The following NME7 variants were observed in gnomAD, a reference collection of about 807,000 sequenced individuals.
The protein encoded by NME7 is nucleoside diphosphate kinase 7.
Under a neutral mutation model 49.1 loss-of-function variants are expected in NME7, and 41 were observed. That is an observed-to-expected ratio of 0.83 (90% confidence interval 0.65 to 1.08). NME7 has a LOEUF of 1.08. Ranked by LOEUF, NME7 falls within the 50% of genes least tolerant of loss-of-function variation. The probability of loss-of-function intolerance (pLI) is 0.00; values close to 1 mark genes in which losing one functional copy is unlikely to be tolerated. For synonymous variants in NME7, 139 were observed against 150.6 expected (o/e 0.92, Z 0.56); for missense variants, 423 against 463.4 (o/e 0.91, Z 0.80).
At chr1:169,324,636 T>C in intron 1 of NME7, 136 bp from the exon 2 acceptor site, 1 of 594,622 alleles carries the variant, frequency 1.7e-6, no homozygotes, top group Non-Finnish European at 3.0e-6. Context: ...TTTCTGCTTT[T>C]CAACAAAGTA....
chr1:169,325,957 TTTCACTGTGCA>T (rs1471211721), intron 1 of NME7, among the ~76,000 whole-genome samples: 1 of 152,042 alleles, frequency 6.6e-6, no homozygotes, highest in Non-Finnish European at 1.5e-5. Context: ...TGAGTTTAGG[TTTCACTGTGCA>T]TTCTAGTATT....
chr1:169,240,017 C>T (rs1238571606), intron 7 of NME7, among the ~76,000 whole-genome samples: 1 of 151,900 alleles, frequency 6.6e-6, no homozygotes, highest in East Asian at 1.9e-4. Context: ...TTAGATAGTA[C>T]TGAAGACCTT....
At chr1:169,196,271 C>A (rs928233973) in intron 10 of NME7, among the ~76,000 whole-genome samples, 2 of 152,138 alleles carry the variant, frequency 1.3e-5, no homozygotes, top group Non-Finnish European at 2.9e-5. Context: ...TTGTTTAAAG[C>A]GCAACCATTT....
Position 169,276,366 on chromosome 1 carries a change from C to T in NME7, c.754+10937G>A, listed in dbSNP as rs533607525. On this transcript the variant is annotated intron_variant, in intron 7 of 11. Transcript: ENST00000367811. The stretch of plus-strand genomic sequence containing the variant: ...ATTGATTATTGCTACAATTTCTGAG[C>T]CTGTTATTGGTGTATTCAGAGATTC... Among the ~76,000 whole-genome samples, 31 of 132,970 alleles carry T rather than the reference C, an allele frequency of 2.3e-4. 8 individuals are homozygous for T. The highest frequency in any genetic ancestry group is 4.8e-4 in the Non-Finnish European group (27 of 56,732). 87.2% of individuals were successfully genotyped at this position (132,970 alleles called of 152,430 possible). A position where few individuals can be genotyped will look rare whatever the true frequency, so the allele number is the denominator to read the frequency against.
chr1:169,194,888 T>C (rs1189790579), intron 10 of NME7, among the ~76,000 whole-genome samples: 2 of 152,174 alleles, frequency 1.3e-5, no homozygotes, highest in African/African-American at 2.4e-5. Context: ...CATGATTGGT[T>C]ACTGAAGTTA....
chr1:169,323,010 C>A, intron 3 of NME7, 107 bp downstream of exon 3: 1 of 821,124 alleles, frequency 1.2e-6, no homozygotes. Flanking sequence ...CAACCATTTT[C>A]CAGGTCCTAT....
intron 10 of NME7, among the ~76,000 whole-genome samples, chr1:169,174,032 C>T (rs1330329044): frequency 6.6e-6 from 1 of 152,114 alleles, no homozygotes; most frequent in Non-Finnish European, 1.5e-5. Flanking sequence ...CCCCTAAAAC[C>T]TTGCATGCTG....
chr1:169,167,644 A>G (rs1659455821), intron 11 of NME7, among the ~76,000 whole-genome samples: 1 of 152,150 alleles, frequency 6.6e-6, no homozygotes, highest in Admixed American at 6.5e-5. Flanking sequence ...TTCATATTTT[A>G]TGTTAATTTA....
At chr1:169,363,535 C>T (rs1014969533) in intron 1 of NME7, among the ~76,000 whole-genome samples, 53 of 152,164 alleles carry the variant, frequency 3.5e-4, no homozygotes, top group African/African-American at 1.2e-3. Flanking sequence ...CACTGCTGTA[C>T]GTATACGTGT....
chr1:169,259,633 G>A lies in NME7; in HGVS notation c.755-21946C>T, dbSNP rs1045815948. Among the ~76,000 whole-genome samples the A allele has an allele frequency of 4.5e-5, 6 of 133,330 alleles. 2 individuals are homozygous for A. The highest frequency in any genetic ancestry group is 8.8e-5 in the Non-Finnish European group (5 of 56,654). 87.5% of individuals were successfully genotyped at this position (133,330 alleles called of 152,430 possible). A position where few individuals can be genotyped will look rare whatever the true frequency, so the allele number is the denominator to read the frequency against. On this transcript the variant is annotated intron_variant, in intron 7 of 11. Transcript: ENST00000367811. ...CCCACCTCTGTATCAAATAATTTGA[G>A]GTGCATGTTTTGAATCACATTAACA...
rs1318279868 is a variant in NME7, at chr1:169,273,828, A to G, written c.754+13475T>C. ...ATGGCTGCATAGTATTCCATGGTGT[A>G]TATGTGCCACATTTTCTTAATCCAG... On this transcript the variant is annotated intron_variant, in intron 7 of 11. Transcript: ENST00000367811. Among the ~76,000 whole-genome samples the G allele has an allele frequency of 2.4e-5, 3 of 124,584 alleles. 1 individual carries two copies. In the Admixed American group the frequency reaches 2.4e-4, roughly 10 times the overall value. 81.7% of individuals were successfully genotyped at this position (124,584 alleles called of 152,430 possible).
At chr1:169,328,770 T>C (rs1448063734) in intron 1 of NME7, among the ~76,000 whole-genome samples, 2 of 152,180 alleles carry the variant, frequency 1.3e-5, no homozygotes. Context: ...AAAATTTTAG[T>C]AACAATTTTC....
chr1:169,315,497 C>T (rs1651588906), intron 3 of NME7, among the ~76,000 whole-genome samples: 1 of 152,072 alleles, frequency 6.6e-6, no homozygotes, highest in Non-Finnish European at 1.5e-5. Context: ...AACTCCTGAC[C>T]TCAACTGATC....
intron 7 of NME7, among the ~76,000 whole-genome samples, chr1:169,247,632 C>T (rs1360138277): frequency 6.6e-6 from 1 of 151,998 alleles, no homozygotes; most frequent in African/African-American, 2.4e-5. Context: ...ATCCCTCACC[C>T]CCCTCAACCC....
chr1:169,294,060 G>GT (rs1409127922), intron 6 of NME7, among the ~76,000 whole-genome samples: 1 of 151,934 alleles, frequency 6.6e-6, no homozygotes, highest in Non-Finnish European at 1.5e-5. Context: ...ACAGATACAG[G>GT]TTTGGGAAGC....
chr1:169,154,964 T>C (rs1245889021), intron 11 of NME7, among the ~76,000 whole-genome samples: 1 of 151,798 alleles, frequency 6.6e-6, no homozygotes, highest in Non-Finnish European at 1.5e-5. Context: ...TTAAAATTTG[T>C]ATAATTTAAA....
chr1:169,138,641 C>G (rs114129121), intron 11 of NME7, among the ~76,000 whole-genome samples: 2,518 of 152,216 alleles, frequency 0.017, 66 homozygotes, highest in African/African-American at 0.055. Flanking sequence ...ATCACTTGAG[C>G]CTGGGAAGTC....
intron 4 of NME7, among the ~76,000 whole-genome samples, chr1:169,305,508 T>G (rs1444677910): frequency 6.6e-6 from 1 of 152,200 alleles, no homozygotes; most frequent in African/African-American, 2.4e-5. Context: ...CCAGGTGAGT[T>G]TCTCTCTTCT....
At chr1:169,241,153 A>G (rs1352292361) in intron 7 of NME7, among the ~76,000 whole-genome samples, 1 of 152,136 alleles carries the variant, frequency 6.6e-6, no homozygotes, top group African/African-American at 2.4e-5. Flanking sequence ...ATTACTTCAC[A>G]CAGAGTATTA....
Sources: allele counts gnomAD v4.1 joint callset (sites outside exome capture counted in the v4.1 genomes callset), GRCh38; gene constraint gnomAD v4.1.1; transcripts MANE v1.5; gene names NCBI Gene and HGNC (gene_info 2026-07-23, HGNC 2026-07-21).